The following PTPN3 variants were observed in gnomAD, a reference collection of about 807,000 sequenced individuals.
PTPN3 encodes the protein protein tyrosine phosphatase non-receptor type 3.
PTPN3 carries 96 observed loss-of-function variants against 132.7 expected under a neutral mutation model. That is an observed-to-expected ratio of 0.72 (90% CI 0.61 to 0.86). PTPN3 has a LOEUF of 0.86. PTPN3 is among the 40% of genes least tolerant of loss of function. The pLI is 0.00. For missense variants in PTPN3, 1,125 were observed against 1,159.6 expected (o/e 0.97, Z 0.43); for synonymous variants, 398 against 429.0 (o/e 0.93, Z 0.89).
chr9:109,532,838 C>T, the PTPN3 span: 3 of 1,049,546 alleles, frequency 2.9e-6, no homozygotes, highest in African/African-American at 1.7e-5. Context: ...ATTTACTCAG[C>T]CCCGCCCTGC....
intron 1 of PTPN3, among the ~76,000 whole-genome samples, chr9:109,491,199 CAAAAA>C (rs377168790): frequency 1.7e-5 from 2 of 118,186 alleles, no homozygotes; most frequent in Non-Finnish European, 3.7e-5. Context: ...CACTCTCTCT[CAAAAA>C]AAAAAAAAAA....
At chr9:109,410,500 C>CA (rs1841999317) in intron 14 of PTPN3, 85 bp from the exon 15 acceptor site, 2 of 1,430,378 alleles carry the variant, frequency 1.4e-6, no homozygotes, top group Admixed American at 1.9e-5. Context: ...GGCCTGGCAG[C>CA]TGGGGGCTGT....
intron 13 of PTPN3, 133 bp from the exon 14 acceptor site, chr9:109,420,733 G>A (rs7466970): frequency 0.031 from 28,823 of 934,672 alleles, 877 homozygotes; most frequent in East Asian, 0.15. Context: ...ATTCAGAGCC[G>A]GTTAACTCAT....
chr9:109,527,945 CA>C, the PTPN3 span, among the ~76,000 whole-genome samples: 393 of 152,038 alleles, frequency 2.6e-3, 2 homozygotes, highest in African/African-American at 9.2e-3. Context: ...AAAAAATAGG[CA>C]AAAAACTGTA....
intron 12 of PTPN3, 74 bp from the exon 13 acceptor site, chr9:109,422,926 G>T: frequency 6.6e-7 from 1 of 1,519,876 alleles, no homozygotes; most frequent in Non-Finnish European, 9.1e-7. Context: ...GTGTGAAACA[G>T]TCTACACATG....
intron 4 of PTPN3, among the ~76,000 whole-genome samples, chr9:109,456,028 C>A (rs1223838271): frequency 6.6e-6 from 1 of 152,046 alleles, no homozygotes; most frequent in Middle Eastern, 3.2e-3. Flanking sequence ...TACTTCTGAA[C>A]GCAGAGGATG....
At chr9:109,463,752 A>G (rs1315677371) in intron 1 of PTPN3, among the ~76,000 whole-genome samples, 2 of 152,178 alleles carry the variant, frequency 1.3e-5, no homozygotes, top group East Asian at 3.8e-4. Context: ...ATGTTTCACA[A>G]TTTTATGTAT....
intron 22 of PTPN3, among the ~76,000 whole-genome samples, chr9:109,385,707 G>T (rs142673154): frequency 6.6e-6 from 1 of 152,228 alleles, no homozygotes; most frequent in African/African-American, 2.4e-5. Flanking sequence ...GCATATAAGA[G>T]AAGAAGCACT....
At chr9:109,519,219 C>T in the PTPN3 span, among the ~76,000 whole-genome samples, 1 of 152,200 alleles carries the variant, frequency 6.6e-6, no homozygotes, top group Non-Finnish European at 1.5e-5. Context: ...GTTCACGTTA[C>T]AACTTTCGAC....
chr9:109,532,916 C>T, the PTPN3 span: 1 of 992,546 alleles, frequency 1.0e-6, no homozygotes, highest in Non-Finnish European at 1.4e-6. Flanking sequence ...CTCTTTGCCA[C>T]CTTGTGGTTT....
At chr9:109,479,585 A>C (rs1238911884) in intron 1 of PTPN3, among the ~76,000 whole-genome samples, 1 of 152,154 alleles carries the variant, frequency 6.6e-6, no homozygotes, top group African/African-American at 2.4e-5. Context: ...TAGCTTTTTA[A>C]AATTTTTTTG....
chr9:109,404,667 C>G, intron 18 of PTPN3, 59 bp from the exon 19 acceptor site: 1 of 1,352,818 alleles, frequency 7.4e-7, no homozygotes. Context: ...TTATCCGTCT[C>G]CCTCAAACAA....
the PTPN3 span, among the ~76,000 whole-genome samples, chr9:109,503,794 A>C: frequency 1.3e-5 from 2 of 152,218 alleles, no homozygotes; most frequent in Non-Finnish European, 2.9e-5. Flanking sequence ...ATTTGAGTAC[A>C]AGAGCAGTGA....
chr9:109,379,539 AC>A lies in PTPN3; in HGVS notation c.*16del. 6.2e-7 allele frequency: 1 copy of A among 1,605,414 alleles called. No individual in the cohort carries two copies. Among genetic ancestry groups the A allele is most frequent in the Non-Finnish European group, 8.5e-7 (1 of 1,172,152 alleles). ...GGATGCCCTTGGGAAAGAGGAATGA[AC>A]TTTTTCACAGTTGTCTTAACTAGGA... On this transcript the variant is annotated 3_prime_UTR_variant, in exon 26 of 26. Transcript: ENST00000374541.
chr9:109,425,572 G>T (rs1215139337), intron 12 of PTPN3, among the ~76,000 whole-genome samples: 1 of 151,970 alleles, frequency 6.6e-6, no homozygotes, highest in Non-Finnish European at 1.5e-5. Flanking sequence ...TCAGCTGGGC[G>T]TGGTGGTGGG....
intron 11 of PTPN3, among the ~76,000 whole-genome samples, chr9:109,427,945 T>A (rs1843396500): frequency 1.3e-5 from 2 of 152,236 alleles, no homozygotes; most frequent in South Asian, 4.1e-4. Context: ...ACTCACTAGC[T>A]GTGGGAGCCT....
chr9:109,434,875 C>G (rs1324047827), intron 9 of PTPN3, among the ~76,000 whole-genome samples: 2 of 152,110 alleles, frequency 1.3e-5, no homozygotes, highest in Non-Finnish European at 1.5e-5. Flanking sequence ...TCCCCTTTGC[C>G]GTGGGACAAA....
intron 23 of PTPN3, 62 bp from the exon 24 acceptor site, chr9:109,382,509 C>T: frequency 6.3e-7 from 1 of 1,582,582 alleles, no homozygotes; most frequent in Non-Finnish European, 8.7e-7. Flanking sequence ...GACCCAGCCC[C>T]AACCCAGACA....
At chr9:109,446,420 C>T (rs557406095) in intron 6 of PTPN3, among the ~76,000 whole-genome samples, 12 of 151,708 alleles carry the variant, frequency 7.9e-5, no homozygotes, top group South Asian at 6.2e-4. Flanking sequence ...TCTGAGGGGC[C>T]CCCATTGTTC....
Sources: allele counts gnomAD v4.1 joint callset (sites outside exome capture counted in the v4.1 genomes callset), GRCh38; gene constraint gnomAD v4.1.1; transcripts MANE v1.5; gene names NCBI Gene and HGNC (gene_info 2026-07-23, HGNC 2026-07-21).